RCOR1: variants seen among roughly 807,000 people sequenced by gnomAD.
RCOR1 encodes REST corepressor.
In RCOR1, 12 loss-of-function variants were observed where a neutral mutation model predicts 64.0. The ratio of observed to expected loss-of-function variants is 0.19; its 90% CI spans 0.12 to 0.30. RCOR1 has a LOEUF of 0.30. RCOR1 is among the 10% of genes least tolerant of loss of function. The probability of loss-of-function intolerance (pLI) is 1.00; values close to 1 mark genes in which losing one functional copy is unlikely to be tolerated. For synonymous variants in RCOR1, 279 were observed against 227.2 expected, an observed-to-expected ratio of 1.23 and a Z score of -2.05; for missense variants, 502 against 621.2, an observed-to-expected ratio of 0.81 and a Z score of 2.04.
At position 102,615,195 on chromosome 14, in the gene RCOR1, C is replaced by T. The variant is rs183647058; in HGVS notation, c.361+21870C>T. ...CACCCAGCCTGGAGTGCAGTGTTAACGATCTTGGCTCACTGCAACCTCTTC... is the reference window on the plus strand; with the variant it reads ...CACCCAGCCTGGAGTGCAGTGTTAATGATCTTGGCTCACTGCAACCTCTTC... On this transcript the variant is annotated intron_variant, in intron 2 of 11. Coordinates refer to ENST00000262241, the MANE Select transcript of RCOR1 (RefSeq NM_015156.4). 1.7e-3 allele frequency among the ~76,000 whole-genome samples: 207 copies of T among 123,292 alleles called. 1 individual carries two copies. Among genetic ancestry groups the T allele is most frequent in the Non-Finnish European group, 1.7e-3 (109 of 63,070 alleles). The allele number at this position is 123,292 out of a possible 152,430, so 80.9% of individuals were successfully genotyped here. A position where few individuals can be genotyped will look rare whatever the true frequency, so the allele number is the denominator to read the frequency against.
chr14:102,656,620 C>T (rs1894729296), intron 2 of RCOR1, among the ~76,000 whole-genome samples: 1 of 151,768 alleles, frequency 6.6e-6, no homozygotes, highest in South Asian at 2.1e-4. Context: ...GGCTTGCCAC[C>T]ATATACCTGG....
rs1184317987 is a variant in RCOR1 at position 102,728,193 on chromosome 14, G to T, written c.*1687G>T. On this transcript the variant is annotated 3_prime_UTR_variant, in exon 12 of 12. Transcript: ENST00000262241. ...GTAAATTTTTTTTTAGTATAGTCTG[G>T]AGAGAAAGGTCATTCAAAAGGAAAG... 1 of 152,118 alleles carries T rather than the reference G, an allele frequency of 6.6e-6. No individual in the cohort carries two copies. The highest frequency in any genetic ancestry group is 1.9e-4 in the East Asian group (1 of 5,198). 9.4% of individuals were successfully genotyped at this position (152,118 alleles called of 1,614,324 possible).
chr14:102,698,255 C>G (rs1323014946), intron 3 of RCOR1, among the ~76,000 whole-genome samples: 1 of 152,176 alleles, frequency 6.6e-6, no homozygotes, highest in Non-Finnish European at 1.5e-5. Flanking sequence ...GTAGCTAAAT[C>G]TGGTTGCAGA....
intron 4 of RCOR1, among the ~76,000 whole-genome samples, chr14:102,704,280 C>T (rs1041307839): frequency 1.1e-4 from 17 of 152,240 alleles, no homozygotes; most frequent in South Asian, 4.1e-4. Context: ...GTAACCTGCA[C>T]GGTGATGTGA....
intron 2 of RCOR1, among the ~76,000 whole-genome samples, chr14:102,632,706 CCTT>C: frequency 8.5e-6 from 1 of 118,054 alleles, no homozygotes; most frequent in Non-Finnish European, 1.8e-5. Flanking sequence ...CCTTTCCTTT[CCTT>C]TTCCTTTCCT....
chr14:102,703,278 T>G (rs1044215598), intron 4 of RCOR1, among the ~76,000 whole-genome samples: 1 of 152,108 alleles, frequency 6.6e-6, no homozygotes, highest in South Asian at 2.1e-4. Context: ...GTAAGAGAGA[T>G]AGGGACAGAG....
intron 2 of RCOR1, among the ~76,000 whole-genome samples, chr14:102,677,360 C>T (rs1271415434): frequency 3.5e-5 from 5 of 143,254 alleles, no homozygotes; most frequent in Non-Finnish European, 7.6e-5. Context: ...ACCTCCCTCC[C>T]GGACGGGGTG....
intron 2 of RCOR1, among the ~76,000 whole-genome samples, chr14:102,602,243 T>C (rs535801079): frequency 4.6e-5 from 7 of 152,276 alleles, no homozygotes; most frequent in African/African-American, 1.4e-4. Flanking sequence ...TCATGTACTT[T>C]TATGCTTTCC....
chr14:102,643,262 C>G, intron 2 of RCOR1: 1 of 791,506 alleles, frequency 1.3e-6, no homozygotes, highest in Non-Finnish European at 1.5e-6. Flanking sequence ...CCAGCCTGGG[C>G]GACAGAGCGA....
At chr14:102,604,761 G>T (rs930345566) in intron 2 of RCOR1, among the ~76,000 whole-genome samples, 5 of 152,048 alleles carry the variant, frequency 3.3e-5, no homozygotes, top group African/African-American at 1.2e-4. Context: ...GTGTATTTTA[G>T]AGAGGGTCAG....
At chr14:102,607,487 G>A (rs1455633322) in intron 2 of RCOR1, among the ~76,000 whole-genome samples, 2 of 151,906 alleles carry the variant, frequency 1.3e-5, no homozygotes, top group Non-Finnish European at 1.5e-5. Flanking sequence ...TGACTCATGC[G>A]TGTAATCCCA....
intron 2 of RCOR1, among the ~76,000 whole-genome samples, chr14:102,653,457 G>C (rs1439254173): frequency 6.6e-6 from 1 of 152,096 alleles, no homozygotes; most frequent in Non-Finnish European, 1.5e-5. Flanking sequence ...CAAAGCGTTG[G>C]GATTACAGGC....
chr14:102,686,928 A>T (rs903946633), intron 3 of RCOR1, among the ~76,000 whole-genome samples: 1 of 152,150 alleles, frequency 6.6e-6, no homozygotes, highest in Non-Finnish European at 1.5e-5. Context: ...TTATTGGATT[A>T]TATTTTTTCC....
chr14:102,631,385 A>G (rs1353834320), intron 2 of RCOR1, among the ~76,000 whole-genome samples: 2 of 150,892 alleles, frequency 1.3e-5, no homozygotes, highest in Non-Finnish European at 3.0e-5. Flanking sequence ...TTTTTTTTTA[A>G]GTAGAGACGG....
chr14:102,691,053 T>C (rs1485851348), intron 3 of RCOR1, among the ~76,000 whole-genome samples: 1 of 152,224 alleles, frequency 6.6e-6, no homozygotes, highest in Non-Finnish European at 1.5e-5. Flanking sequence ...ATCATTTGTT[T>C]ACTCAGTAAC....
intron 2 of RCOR1, among the ~76,000 whole-genome samples, chr14:102,614,179 GC>G (rs1389527405): frequency 6.6e-6 from 1 of 151,068 alleles, no homozygotes; most frequent in Non-Finnish European, 1.5e-5. Flanking sequence ...ATAGGCGTGA[GC>G]CACTGCACCC....
At chr14:102,667,891 T>C (rs2139945860) in intron 2 of RCOR1, among the ~76,000 whole-genome samples, 1 of 152,198 alleles carries the variant, frequency 6.6e-6, no homozygotes, top group East Asian at 1.9e-4. Flanking sequence ...GAAGGGTGAA[T>C]GAGAGGGCAA....
intron 2 of RCOR1, among the ~76,000 whole-genome samples, chr14:102,620,055 A>G (rs1281464632): frequency 6.6e-6 from 1 of 152,182 alleles, no homozygotes; most frequent in Non-Finnish European, 1.5e-5. Context: ...TATAACACAA[A>G]TTATACAGTA....
At position 102,594,245 on chromosome 14, in the gene RCOR1, C is replaced by T. The variant is rs1430196744; in HGVS notation, c.361+920C>T. On this transcript the variant is annotated intron_variant, in intron 2 of 11. Coordinates refer to ENST00000262241, the MANE Select transcript of RCOR1 (RefSeq NM_015156.4). ...GTTTGAAAGAACGTAGGATTTATTT[C>T]AGAAATAAAATTCAAAAGAGCATCT... Among the ~76,000 whole-genome samples the T allele has an allele frequency of 2.0e-5, 3 of 152,168 alleles. No individual in the cohort carries two copies. In the East Asian group the frequency reaches 5.8e-4, roughly 29 times the overall value.
Sources: gnomAD v4.1 joint callset for allele counts (sites outside exome capture counted in the v4.1 genomes callset) on GRCh38, gnomAD v4.1.1 for gene constraint, MANE v1.5 for transcripts, NCBI Gene and HGNC (gene_info 2026-07-23, HGNC 2026-07-21) for gene names.